The following NELL1 variants were observed in gnomAD, a reference collection of about 807,000 sequenced individuals.
NELL1 encodes the protein protein kinase C-binding protein NELL1.
A neutral mutation model predicts 107.4 loss-of-function variants in NELL1; 76 were observed. The observed-to-expected ratio is 0.71, with a 90% CI of 0.59 to 0.86. The LOEUF is 0.86. Ranked by LOEUF, NELL1 falls within the 40% of genes least tolerant of loss-of-function variation. NELL1 has a pLI of 0.00. For synonymous variants in NELL1, 353 were observed against 341.2 expected, an observed-to-expected ratio of 1.03 and a Z score of -0.38; for missense variants, 1,024 against 1,005.5, an observed-to-expected ratio of 1.02 and a Z score of -0.25.
chr11:21,305,682 C>A (rs1849589562), intron 14 of NELL1, among the ~76,000 whole-genome samples: 2 of 151,726 alleles, frequency 1.3e-5, no homozygotes, highest in Admixed American at 1.3e-4. Context: ...CATATCTAGA[C>A]AGTATAGATT....
chr11:21,430,995 G>A (rs1852950841), intron 15 of NELL1, among the ~76,000 whole-genome samples: 1 of 151,956 alleles, frequency 6.6e-6, no homozygotes, highest in African/African-American at 2.4e-5. Flanking sequence ...GGGGAAAACT[G>A]TACAAAGAAA....
chr11:20,894,186 A>G (rs1246065323), intron 5 of NELL1, among the ~76,000 whole-genome samples: 1 of 152,242 alleles, frequency 6.6e-6, no homozygotes, highest in Non-Finnish European at 1.5e-5. Flanking sequence ...ATAAAAGATA[A>G]TGTAGGAGAA....
chr11:20,718,273 T>C (rs1383590403), intron 2 of NELL1, among the ~76,000 whole-genome samples: 1 of 152,206 alleles, frequency 6.6e-6, no homozygotes, highest in Non-Finnish European at 1.5e-5. Context: ...ATGTGACTAG[T>C]GCAACTGAGA....
chr11:20,807,889 T>C (rs559763979), intron 3 of NELL1, among the ~76,000 whole-genome samples: 1 of 152,180 alleles, frequency 6.6e-6, no homozygotes, highest in East Asian at 1.9e-4. Context: ...AGGCCCAAAG[T>C]CTCTTCAGTC....
At chr11:20,723,909 C>A (rs1384238251) in intron 2 of NELL1, among the ~76,000 whole-genome samples, 1 of 152,216 alleles carries the variant, frequency 6.6e-6, no homozygotes, top group South Asian at 2.1e-4. Flanking sequence ...CCCACATGCC[C>A]AACACCACAT....
At chr11:20,810,435 A>G (rs1439912912) in intron 3 of NELL1, among the ~76,000 whole-genome samples, 4 of 152,102 alleles carry the variant, frequency 2.6e-5, no homozygotes, top group Non-Finnish European at 5.9e-5. Flanking sequence ...GCATCCTCAT[A>G]GCTTAGCTCC....
At chr11:21,391,224 T>A (rs1305954026) in intron 15 of NELL1, among the ~76,000 whole-genome samples, 1 of 151,806 alleles carries the variant, frequency 6.6e-6, no homozygotes, top group Non-Finnish European at 1.5e-5. Flanking sequence ...TTTGAGAAAC[T>A]TAATATTGTC....
chr11:20,775,924 C>T (rs1856741316), intron 2 of NELL1, among the ~76,000 whole-genome samples: 1 of 152,164 alleles, frequency 6.6e-6, no homozygotes, highest in African/African-American at 2.4e-5. Flanking sequence ...CCTTAGGCAG[C>T]TCATTACTTG....
chr11:21,056,210 G>A (rs1853611785), intron 12 of NELL1, among the ~76,000 whole-genome samples: 1 of 152,168 alleles, frequency 6.6e-6, no homozygotes, highest in Admixed American at 6.6e-5. Flanking sequence ...GGCTCCTAAA[G>A]GCTGAGCTAC....
At chr11:21,170,177 T>C in intron 13 of NELL1, 1 of 601,980 alleles carries the variant, frequency 1.7e-6, no homozygotes, top group Non-Finnish European at 3.0e-6. Context: ...TCTAAGCAGG[T>C]GAATTAGAAT....
chr11:21,474,756 A>G (rs1854281176), intron 15 of NELL1, among the ~76,000 whole-genome samples: 1 of 152,090 alleles, frequency 6.6e-6, no homozygotes, highest in South Asian at 2.1e-4. Context: ...CTCACTTCCC[A>G]TTTCAGTAAA....
chr11:20,846,513 A>G lies in NELL1; in HGVS notation c.336-1070A>G, dbSNP rs538818324. 9.2e-5 allele frequency among the ~76,000 whole-genome samples: 14 copies of G among 152,238 alleles called. No homozygotes were observed. In the East Asian group the frequency reaches 2.5e-3, roughly 27 times the overall value. On this transcript the variant is annotated intron_variant, in intron 3 of 19. Coordinates refer to ENST00000357134, the MANE Select transcript of NELL1 (RefSeq NM_006157.5). ...TAGGCTAATCGCTCTGGAGTTGACC[A>G]TATGAATGAGTTGTTGGAGTTAGTG...
chr11:21,204,415 AATGTATG>A lies in NELL1; in HGVS notation c.1427-24916_1427-24910del. On this transcript the variant is annotated intron_variant, in intron 13 of 19. Transcript: ENST00000357134. ...CTTGATCTATTCAGCTATTGATACC[AATGTATG>A]CTTCAGGATGTTCTCATGCTGTGTT... Among the ~76,000 whole-genome samples, 4 of 151,546 alleles carry A rather than the reference AATGTATG, an allele frequency of 2.6e-5. No individual in the cohort carries two copies. In the Middle Eastern group the frequency reaches 0.014, roughly 523 times the overall value.
At chr11:21,205,776 G>C (rs1392969938) in intron 13 of NELL1, among the ~76,000 whole-genome samples, 1 of 152,156 alleles carries the variant, frequency 6.6e-6, no homozygotes, top group African/African-American at 2.4e-5. Context: ...CTTTAAATAT[G>C]GGGAAATGGG....
intron 13 of NELL1, among the ~76,000 whole-genome samples, chr11:21,218,028 T>G: frequency 6.6e-6 from 1 of 152,304 alleles, no homozygotes; most frequent in East Asian, 1.9e-4. Context: ...GTTAAAGTAT[T>G]GTTATGATCA....
chr11:21,433,045 A>G (rs1853007829), intron 15 of NELL1, among the ~76,000 whole-genome samples: 1 of 152,104 alleles, frequency 6.6e-6, no homozygotes, highest in Non-Finnish European at 1.5e-5. Context: ...TATAATGACC[A>G]TAATTTTACT....
chr11:20,942,597 C>T (rs1251960154), intron 10 of NELL1, among the ~76,000 whole-genome samples: 1 of 152,148 alleles, frequency 6.6e-6, no homozygotes, highest in East Asian at 1.9e-4. Context: ...AGAGTGCTTA[C>T]CACAAAGACC....
chr11:21,570,052 G>A (rs896960639), intron 17 of NELL1, among the ~76,000 whole-genome samples: 1 of 151,842 alleles, frequency 6.6e-6, no homozygotes, highest in Non-Finnish European at 1.5e-5. Context: ...TACTGCTTAA[G>A]TGCTGCTGAC....
intron 13 of NELL1, among the ~76,000 whole-genome samples, chr11:21,195,749 C>T (rs1339433762): frequency 2.0e-5 from 3 of 152,116 alleles, no homozygotes; most frequent in Non-Finnish European, 2.9e-5. Flanking sequence ...TAGCACATCT[C>T]AATCCATGCA....
Sources: allele counts gnomAD v4.1 joint callset (sites outside exome capture counted in the v4.1 genomes callset), GRCh38; gene constraint gnomAD v4.1.1; transcripts MANE v1.5; gene names NCBI Gene and HGNC (gene_info 2026-07-23, HGNC 2026-07-21).